The following CDK6 variants were observed in gnomAD, a reference collection of about 807,000 sequenced individuals.
The protein encoded by CDK6 is cyclin dependent kinase 6, also known as cyclin-dependent kinase 6.
CDK6 carries 6 observed loss-of-function variants against 37.1 expected under a neutral mutation model. That is an observed-to-expected ratio of 0.16 (90% CI 0.09 to 0.32). CDK6 has a LOEUF of 0.32. CDK6 is among the 10% of genes least tolerant of loss of function. CDK6 has a pLI of 1.00. For missense variants in CDK6, 224 were observed against 418.9 expected (o/e 0.53, Z 4.06); for synonymous variants, 160 against 161.3 (o/e 0.99, Z 0.06).
intron 5 of CDK6, among the ~76,000 whole-genome samples, chr7:92,651,014 C>T (rs531094510): frequency 1.1e-4 from 17 of 152,016 alleles, no homozygotes; most frequent in Non-Finnish European, 1.8e-4. Context: ...CTCAGCCTCC[C>T]GAGTAGCTGG....
intron 2 of CDK6, among the ~76,000 whole-genome samples, chr7:92,807,461 C>G (rs1227085605): frequency 1.3e-5 from 2 of 151,236 alleles, no homozygotes; most frequent in Non-Finnish European, 3.0e-5. Context: ...TACACATCTC[C>G]TTATAAATAT....
At chr7:92,832,464 G>A (rs913077803) in intron 2 of CDK6, among the ~76,000 whole-genome samples, 3 of 152,198 alleles carry the variant, frequency 2.0e-5, no homozygotes, top group African/African-American at 7.2e-5. Context: ...AGTTTTGGAA[G>A]AAATTTTTAT....
rs948055526 is a variant in CDK6, at chr7:92,607,455, A to G, written c.*7685T>C. On this transcript the variant is annotated 3_prime_UTR_variant, in exon 8 of 8. Coordinates refer to ENST00000424848, the MANE Select transcript of CDK6 (RefSeq NM_001145306.2). ...AAGTCCTTTACTTTAATTCCTTTAC[A>G]TAATGATAAAACACCTAGATACCCA... 4.3e-6 allele frequency: 1 copy of G among 232,972 alleles called. No homozygotes were observed. Among genetic ancestry groups the G allele is most frequent in the African/African-American group, 2.2e-5 (1 of 45,350 alleles). The allele number at this position is 232,972 out of a possible 1,614,324, so 14.4% of individuals were successfully genotyped here.
intron 5 of CDK6, among the ~76,000 whole-genome samples, chr7:92,652,465 G>A (rs1481473006): frequency 6.6e-6 from 1 of 151,940 alleles, no homozygotes; most frequent in Non-Finnish European, 1.5e-5. Context: ...CTAGTCAAAG[G>A]TAGGGTAAAA....
At position 92,748,916 on chromosome 7, in the gene CDK6, A is replaced by C. The variant is rs137985265; in HGVS notation, c.370-23123T>G. Among the ~76,000 whole-genome samples, 8 of 152,098 alleles carry C rather than the reference A, an allele frequency of 5.3e-5. No homozygotes were observed. In the East Asian group the frequency reaches 1.4e-3, roughly 26 times the overall value. The stretch of plus-strand genomic sequence containing the variant: ...GTGGTGGCACATGCCTGAAATCCCA[A>C]CACGGCTGGGCGCGATGGCTCACAC... On this transcript the variant is annotated intron_variant, in intron 3 of 7. Coordinates refer to ENST00000424848, the MANE Select transcript of CDK6 (RefSeq NM_001145306.2).
At position 92,833,765 on chromosome 7, in the gene CDK6, A is replaced by C; in HGVS notation, c.-367-75T>G. The C allele has an allele frequency of 1.7e-5, 7 of 402,030 alleles. No homozygotes were observed. Among genetic ancestry groups the C allele is most frequent in the East Asian group, 3.6e-5 (1 of 27,960 alleles). The allele number at this position is 402,030 out of a possible 1,614,324, so 24.9% of individuals were successfully genotyped here. On this transcript the variant is annotated intron_variant, in intron 1 of 7. Coordinates refer to ENST00000424848, the MANE Select transcript of CDK6 (RefSeq NM_001145306.2). This position sits in a 1 kb window ranked among gnomAD's most constrained non-coding sequence, Gnocchi z 6.1. ...GAAGCCTTCCTCGGGGTTCCTCCAG[A>C]CTCCCCTCCTCCTCCTTTACGAAGC... is the stretch of plus-strand genomic sequence containing the variant.
At position 92,640,719 on chromosome 7, in the gene CDK6, G is replaced by T. The variant is rs1158119201; in HGVS notation, c.648-17633C>A. 2.0e-5 allele frequency among the ~76,000 whole-genome samples: 3 copies of T among 152,250 alleles called. No individual in the cohort carries two copies. In the East Asian group the frequency reaches 5.8e-4, roughly 29 times the overall value. On this transcript the variant is annotated intron_variant, in intron 5 of 7. Coordinates refer to ENST00000424848, the MANE Select transcript of CDK6 (RefSeq NM_001145306.2). ...ATGACATTCATTTAATACACCCCTG[G>T]AGGGAAAATAAAGTAGAAAAATCTT...
In CDK6 at chr7:92,615,016, G is replaced by A; in HGVS notation, c.*124C>T. 2.1e-6 allele frequency: 2 copies of A among 949,018 alleles called. No individual in the cohort carries two copies. The highest frequency in any genetic ancestry group is 3.1e-6 in the Non-Finnish European group (2 of 637,702). 58.8% of individuals were successfully genotyped at this position (949,018 alleles called of 1,614,324 possible). A position where few individuals can be genotyped will look rare whatever the true frequency, so the allele number is the denominator to read the frequency against. On this transcript the variant is annotated 3_prime_UTR_variant, in exon 8 of 8. Transcript: ENST00000424848. ...TCCTTGGAGAAGCAGAGCCTGTCCAGAAGACAGCAGCTGGAAGGCCTCCAG... is the reference window on the plus strand; with the variant it reads ...TCCTTGGAGAAGCAGAGCCTGTCCAAAAGACAGCAGCTGGAAGGCCTCCAG...
At chr7:92,772,083 T>C (rs1799730068) in intron 3 of CDK6, among the ~76,000 whole-genome samples, 1 of 152,228 alleles carries the variant, frequency 6.6e-6, no homozygotes. Context: ...GGTTTTATTA[T>C]GCTTTTAAAT....
At chr7:92,687,339 T>A (rs895244320) in intron 4 of CDK6, among the ~76,000 whole-genome samples, 2 of 152,194 alleles carry the variant, frequency 1.3e-5, no homozygotes, top group African/African-American at 4.8e-5. Context: ...CCCCAATGCT[T>A]AGTGCAATAT....
intron 3 of CDK6, among the ~76,000 whole-genome samples, chr7:92,766,303 T>C (rs781190739): frequency 3.3e-5 from 5 of 152,100 alleles, no homozygotes; most frequent in African/African-American, 4.8e-5. Flanking sequence ...GTAGTCAGAT[T>C]GGGGATATCT....
chr7:92,832,339 A>G (rs1285133172), intron 2 of CDK6, among the ~76,000 whole-genome samples: 1 of 152,236 alleles, frequency 6.6e-6, no homozygotes, highest in Admixed American at 6.5e-5. Context: ...AAGCATGGGC[A>G]GAACATTTAT....
At chr7:92,830,929 C>T (rs3731268) in intron 2 of CDK6, among the ~76,000 whole-genome samples, 3,647 of 152,294 alleles carry the variant, frequency 0.024, 139 homozygotes, top group South Asian at 0.18. Context: ...TTGACCCCTC[C>T]CTGTGAAGCT....
At chr7:92,615,320 C>T (rs752917296) in intron 7 of CDK6, 34 bp from the exon 8 acceptor site, 5 of 932,954 alleles carry the variant, frequency 5.4e-6, no homozygotes, top group Middle Eastern at 3.0e-4. Flanking sequence ...GGTTGATATA[C>T]AATACATCAA....
chr7:92,656,551 A>C (rs1211551292), intron 5 of CDK6, among the ~76,000 whole-genome samples: 1 of 152,240 alleles, frequency 6.6e-6, no homozygotes, highest in East Asian at 1.9e-4. Context: ...GTTATTTACT[A>C]TATTTATTAT....
rs1419255127 is a variant in CDK6, at chr7:92,674,382, CTATGTT to C, written c.538-2853_538-2848del. On this transcript the variant is annotated intron_variant, in intron 4 of 7. Transcript: ENST00000424848. ...CCTGAGGACATGGCCCTGCCTTAAT[CTATGTT>C]TATATCTGTAAATGCCTATCACAGT... Among the ~76,000 whole-genome samples the C allele has an allele frequency of 4.6e-5, 7 of 152,264 alleles. No individual in the cohort carries two copies. In the East Asian group the frequency reaches 5.8e-4, roughly 13 times the overall value.
intron 5 of CDK6, among the ~76,000 whole-genome samples, chr7:92,669,213 C>A (rs1797023549): frequency 6.6e-6 from 1 of 152,174 alleles, no homozygotes; most frequent in African/African-American, 2.4e-5. Context: ...TGAATTAGCA[C>A]AATGGGTGTT....
chr7:92,833,370 G>C lies in CDK6; in HGVS notation c.-47C>G, dbSNP rs766455736. 1.1e-5 allele frequency: 16 copies of C among 1,411,960 alleles called. No homozygotes were observed. The Admixed American group carries it at 3.6e-4, about 31-fold the overall frequency. The allele number at this position is 1,411,960 out of a possible 1,614,324, so 87.5% of individuals were successfully genotyped here. A position where few individuals can be genotyped will look rare whatever the true frequency, so the allele number is the denominator to read the frequency against. On this transcript the variant is annotated 5_prime_UTR_variant, in exon 2 of 8. Coordinates refer to ENST00000424848, the MANE Select transcript of CDK6 (RefSeq NM_001145306.2). The surrounding 1 kb of genome is among the most constrained non-coding windows in gnomAD (Gnocchi z 6.1). ...GCGGCGCCGCTGGGGCGGGCGGGGG[G>C]TGCGCTCAACTAGCTGGCGGCCGCC...
intron 4 of CDK6, among the ~76,000 whole-genome samples, chr7:92,704,458 C>T (rs1797924910): frequency 6.6e-6 from 1 of 152,138 alleles, no homozygotes; most frequent in South Asian, 2.1e-4. Context: ...TTCTTTACTT[C>T]TCTTTACCCC....
Sources: allele counts gnomAD v4.1 joint callset (sites outside exome capture counted in the v4.1 genomes callset), GRCh38; gene constraint gnomAD v4.1.1; non-coding constraint Gnocchi (gnomAD v3.1); transcripts MANE v1.5; gene names NCBI Gene and HGNC (gene_info 2026-07-23, HGNC 2026-07-21).